The following STK33 variants were observed in gnomAD, a reference collection of about 807,000 sequenced individuals.
The protein encoded by STK33 is serine/threonine kinase 33.
In STK33, 52 loss-of-function variants were observed where a neutral mutation model predicts 58.0. The observed-to-expected ratio is 0.90, with a 90% CI of 0.72 to 1.13. The LOEUF is 1.13. Ranked by LOEUF, STK33 falls within the 50% of genes most tolerant of loss-of-function variation. The probability of loss-of-function intolerance (pLI) is 0.00; values close to 1 mark genes in which losing one functional copy is unlikely to be tolerated. For synonymous variants in STK33, 215 were observed against 200.1 expected (o/e 1.07, Z -0.63); for missense variants, 630 against 604.2 (o/e 1.04, Z -0.45).
intron 15 of STK33, among the ~76,000 whole-genome samples, chr11:8,404,755 T>C (rs146665878): frequency 1.1e-3 from 172 of 152,356 alleles, no homozygotes; most frequent in African/African-American, 3.7e-3. Flanking sequence ...AGTTTGGGGC[T>C]GCTTATACAT....
chr11:8,524,089 T>G (rs1953814029), intron 1 of STK33, among the ~76,000 whole-genome samples: 1 of 152,210 alleles, frequency 6.6e-6, no homozygotes, highest in Non-Finnish European at 1.5e-5. Context: ...GTGCAAGATG[T>G]GCTTTGTTAA....
At chr11:8,593,567 G>C (rs917235711) in intron 1 of STK33, among the ~76,000 whole-genome samples, 1 of 152,136 alleles carries the variant, frequency 6.6e-6, no homozygotes, top group Non-Finnish European at 1.5e-5. Flanking sequence ...GAGCCAGTAC[G>C]GGGCTGCTTT....
At chr11:8,579,434 T>A (rs1025329180) in intron 1 of STK33, among the ~76,000 whole-genome samples, 1 of 152,052 alleles carries the variant, frequency 6.6e-6, no homozygotes, top group Admixed American at 6.6e-5. Flanking sequence ...AAATGGAAGA[T>A]CCTTTAAAAT....
In STK33 at chr11:8,567,900, C is replaced by G. The variant is rs115810082; in HGVS notation, c.-466+26183G>C. Among the ~76,000 whole-genome samples the G allele has an allele frequency of 6.7e-3, 1,021 of 152,234 alleles. 7 individuals are homozygous for G. Among genetic ancestry groups the G allele is most frequent in the African/African-American group, 0.023 (974 of 41,530 alleles). On this transcript the variant is annotated intron_variant, in intron 1 of 15. Transcript: ENST00000687296. ...TTCTTTGGGCTTATATTACAAGATTCTGAACTTTTAAAAACAATATTCAAC... is the reference window on the plus strand; with the variant it reads ...TTCTTTGGGCTTATATTACAAGATTGTGAACTTTTAAAAACAATATTCAAC...
At chr11:8,566,973 T>C (rs914596778) in intron 1 of STK33, among the ~76,000 whole-genome samples, 5 of 152,002 alleles carry the variant, frequency 3.3e-5, no homozygotes, top group Non-Finnish European at 7.4e-5. Flanking sequence ...ACCCCAACTC[T>C]ACTGAAAATA....
chr11:8,525,575 C>T (rs542792370), intron 1 of STK33, among the ~76,000 whole-genome samples: 17 of 152,244 alleles, frequency 1.1e-4, no homozygotes, highest in Admixed American at 1.0e-3. Flanking sequence ...CTATTCTACA[C>T]CATACATTAA....
intron 11 of STK33, among the ~76,000 whole-genome samples, chr11:8,444,565 A>G (rs1283871156): frequency 6.6e-6 from 1 of 152,170 alleles, no homozygotes; most frequent in Non-Finnish European, 1.5e-5. Flanking sequence ...AGAAACTGTG[A>G]TAAGAGCAGA....
the STK33 span, among the ~76,000 whole-genome samples, chr11:8,363,191 G>A: frequency 1.3e-5 from 2 of 152,106 alleles, no homozygotes; most frequent in African/African-American, 2.4e-5. Context: ...TACTGGGGGC[G>A]GGCGAGGGAA....
chr11:8,420,372 A>C (rs139401701), intron 14 of STK33, among the ~76,000 whole-genome samples: 9 of 152,280 alleles, frequency 5.9e-5, no homozygotes, highest in African/African-American at 2.2e-4. Context: ...TGAGTAGATA[A>C]GGCTTTTTTA....
At chr11:8,476,154 G>A (rs1949251249) in intron 4 of STK33, among the ~76,000 whole-genome samples, 1 of 152,108 alleles carries the variant, frequency 6.6e-6, no homozygotes, top group Non-Finnish European at 1.5e-5. Flanking sequence ...CTTCTTTGGG[G>A]CAGCAATGTG....
At chr11:8,587,760 A>G (rs936221401) in intron 1 of STK33, among the ~76,000 whole-genome samples, 2 of 152,118 alleles carry the variant, frequency 1.3e-5, no homozygotes, top group Admixed American at 6.5e-5. Context: ...CCTTTCCCCA[A>G]GGGGTCAAGC....
chr11:8,369,796 C>T, the STK33 span, among the ~76,000 whole-genome samples: 1 of 152,232 alleles, frequency 6.6e-6, no homozygotes. Flanking sequence ...GGTTGCTGTG[C>T]ATGCCCTCTG....
chr11:8,348,836 G>A, the STK33 span, among the ~76,000 whole-genome samples: 1 of 152,066 alleles, frequency 6.6e-6, no homozygotes, highest in Admixed American at 6.5e-5. Context: ...TGAAACAGTG[G>A]TGCCTCTGGC....
intron 1 of STK33, among the ~76,000 whole-genome samples, chr11:8,535,779 T>C (rs1954945959): frequency 1.3e-5 from 2 of 152,164 alleles, no homozygotes; most frequent in Non-Finnish European, 2.9e-5. Context: ...AAAGGGATAC[T>C]TGCACTCACA....
chr11:8,456,585 G>C (rs1946886590), intron 9 of STK33, among the ~76,000 whole-genome samples: 1 of 151,264 alleles, frequency 6.6e-6, no homozygotes, highest in Admixed American at 6.6e-5. Context: ...CACCTCTCTG[G>C]AACAAAGTTT....
At chr11:8,474,155 A>G (rs984922651) in intron 5 of STK33, among the ~76,000 whole-genome samples, 2 of 152,132 alleles carry the variant, frequency 1.3e-5, no homozygotes, top group Non-Finnish European at 2.9e-5. Context: ...AGCCAGGGCA[A>G]CAAGAGCAAA....
chr11:8,590,898 T>A (rs2032490075), intron 1 of STK33, among the ~76,000 whole-genome samples: 2 of 152,208 alleles, frequency 1.3e-5, no homozygotes, highest in Admixed American at 1.3e-4. Flanking sequence ...AGTCAGCAAT[T>A]AATTTTATAT....
intron 1 of STK33, among the ~76,000 whole-genome samples, chr11:8,584,123 A>G (rs56871330): frequency 6.7e-6 from 1 of 149,860 alleles, no homozygotes; most frequent in Non-Finnish European, 1.5e-5. Context: ...AAAAAAAAAA[A>G]AAAAGAAAGA....
intron 1 of STK33, among the ~76,000 whole-genome samples, chr11:8,519,192 CA>C (rs1490160876): frequency 6.6e-6 from 1 of 152,130 alleles, no homozygotes; most frequent in Non-Finnish European, 1.5e-5. Context: ...GAAACTCACT[CA>C]AAACCGCTCA....
Sources: gnomAD v4.1 joint callset for allele counts (sites outside exome capture counted in the v4.1 genomes callset) on GRCh38, gnomAD v4.1.1 for gene constraint, MANE v1.5 for transcripts, NCBI Gene and HGNC (gene_info 2026-07-23, HGNC 2026-07-21) for gene names.